LARP1B: variants seen among roughly 807,000 people sequenced by gnomAD.
LARP1B encodes the protein la-related protein 1B.
In LARP1B, 76 loss-of-function variants were observed where a neutral mutation model predicts 114.2. The observed-to-expected ratio is 0.67, with a 90% confidence interval of 0.55 to 0.81. The LOEUF (loss-of-function observed/expected upper bound fraction) is 0.81. Ranked by LOEUF, LARP1B falls within the 30% of genes least tolerant of loss-of-function variation. LARP1B has a pLI of 0.00. For missense variants in LARP1B, 1,014 were observed against 1,075.8 expected (o/e 0.94, Z 0.80); for synonymous variants, 345 against 348.0 (o/e 0.99, Z 0.10).
At chr4:128,173,035 C>T (rs891864779) in intron 12 of LARP1B, among the ~76,000 whole-genome samples, 2 of 151,118 alleles carry the variant, frequency 1.3e-5, no homozygotes, top group African/African-American at 4.9e-5. Flanking sequence ...ATTGGGTTCT[C>T]TTTTATACTG....
intron 7 of LARP1B, among the ~76,000 whole-genome samples, chr4:128,094,958 T>A (rs2149627777): frequency 6.6e-6 from 1 of 152,002 alleles, no homozygotes; most frequent in South Asian, 2.1e-4. Context: ...ACCATGTTGG[T>A]CAGGCTGGTC....
chr4:128,118,427 G>A (rs1410136969), intron 10 of LARP1B, among the ~76,000 whole-genome samples: 16 of 150,898 alleles, frequency 1.1e-4, no homozygotes, highest in Admixed American at 7.9e-4. Context: ...TAGTAGAGAC[G>A]GGGTTTCATC....
rs1166939696 is a variant in LARP1B, at chr4:128,204,655, CA to C, written c.2310-1760del. Among the ~76,000 whole-genome samples the C allele has an allele frequency of 3.7e-3, 468 of 126,780 alleles. 3 individuals carry two copies. Among genetic ancestry groups the C allele is most frequent in the African/African-American group, 0.01 (351 of 34,310 alleles). 83.2% of individuals were successfully genotyped at this position (126,780 alleles called of 152,430 possible). A position where few individuals can be genotyped will look rare whatever the true frequency, so the allele number is the denominator to read the frequency against. On this transcript the variant is annotated intron_variant, in intron 17 of 19. Coordinates refer to ENST00000326639, the MANE Select transcript of LARP1B (RefSeq NM_018078.4). ...GGGCAACAAGAGTAAAACTCTGTCTCAAAAAAAAAAAAATTAAAATTAAAAA... is the reference window on the plus strand; with the variant it reads ...GGGCAACAAGAGTAAAACTCTGTCTCAAAAAAAAAAAATTAAAATTAAAAA...
intron 11 of LARP1B, among the ~76,000 whole-genome samples, chr4:128,137,356 T>C (rs1456537960): frequency 1.3e-5 from 2 of 152,226 alleles, no homozygotes; most frequent in Non-Finnish European, 2.9e-5. Context: ...TCTCCAATTG[T>C]CTTCTCATTT....
intron 15 of LARP1B, among the ~76,000 whole-genome samples, chr4:128,189,716 A>G (rs762112244): frequency 6.6e-6 from 1 of 152,132 alleles, no homozygotes; most frequent in African/African-American, 2.4e-5. Flanking sequence ...TGTGGTTACC[A>G]TGAGGCTTAC....
At chr4:128,178,981 A>G (rs772590034) in intron 14 of LARP1B, among the ~76,000 whole-genome samples, 1 of 152,150 alleles carries the variant, frequency 6.6e-6, no homozygotes, top group African/African-American at 2.4e-5. Flanking sequence ...AGTCCCAGCT[A>G]CTTGGGAGGC....
rs1365955773 is a variant in LARP1B at position 128,210,153 on chromosome 4, GTATT to G, written c.*106_*109del. ...GTCCTTGAAGTCAACATTTACATCA[GTATT>G]TATTTGGGGAAAATCTTCTGGTGTT... On this transcript the variant is annotated 3_prime_UTR_variant, in exon 20 of 20. Coordinates refer to ENST00000326639, the MANE Select transcript of LARP1B (RefSeq NM_018078.4). The G allele has an allele frequency of 6.7e-5, 103 of 1,543,184 alleles. No homozygotes were observed. Among genetic ancestry groups the G allele is most frequent in the Non-Finnish European group, 8.6e-5 (98 of 1,144,472 alleles).
chr4:128,183,382 G>A (rs2172813), intron 15 of LARP1B, among the ~76,000 whole-genome samples: 97,711 of 152,006 alleles, frequency 0.64, 31,747 homozygotes, highest in Middle Eastern at 0.81. Flanking sequence ...GAATTATGCT[G>A]AATCTACTAA....
chr4:128,095,888 A>AC (rs1371738402), intron 7 of LARP1B, among the ~76,000 whole-genome samples: 2 of 151,562 alleles, frequency 1.3e-5, no homozygotes, highest in African/African-American at 4.8e-5. Context: ...ATCATCATTG[A>AC]TGTTATGTAT....
intron 1 of LARP1B, chr4:128,062,335 C>T (rs921104350): frequency 4.4e-6 from 4 of 915,536 alleles, no homozygotes; most frequent in Non-Finnish European, 3.9e-6. Flanking sequence ...CAGGCCTCCC[C>T]TCCCTGTCAG....
At chr4:128,166,470 AAT>A (rs1057307910) in intron 12 of LARP1B, among the ~76,000 whole-genome samples, 8 of 151,864 alleles carry the variant, frequency 5.3e-5, no homozygotes, top group Non-Finnish European at 7.4e-5. Context: ...TCCTCTTAAA[AAT>A]ATATATAAGG....
intron 19 of LARP1B, 30 bp from the exon 20 acceptor site, chr4:128,209,825 TG>T: frequency 1.3e-6 from 2 of 1,577,924 alleles, no homozygotes; most frequent in Non-Finnish European, 1.7e-6. Flanking sequence ...ACAGTAAAAT[TG>T]TCAACGGTGT....
chr4:128,167,045 T>TAC (rs546984242), intron 12 of LARP1B, among the ~76,000 whole-genome samples: 33 of 148,326 alleles, frequency 2.2e-4, no homozygotes, highest in South Asian at 8.6e-4. Flanking sequence ...TACGTATATA[T>TAC]ACACACACAC....
At chr4:128,104,960 C>T (rs1280740280) in intron 8 of LARP1B, among the ~76,000 whole-genome samples, 1 of 152,138 alleles carries the variant, frequency 6.6e-6, no homozygotes, top group African/African-American at 2.4e-5. Flanking sequence ...ATCAAAACCA[C>T]CACTATTGGG....
At chr4:128,064,901 C>A (rs1324840877) in intron 1 of LARP1B, among the ~76,000 whole-genome samples, 1 of 151,824 alleles carries the variant, frequency 6.6e-6, no homozygotes, top group Non-Finnish European at 1.5e-5. Flanking sequence ...ATAGCAAGAC[C>A]ACGTTTAAAA....
chr4:128,095,869 G>T lies in LARP1B; in HGVS notation c.669-2317G>T, dbSNP rs539231851. Among the ~76,000 whole-genome samples the T allele has an allele frequency of 2.6e-5, 4 of 152,034 alleles. No individual in the cohort carries two copies. The South Asian group carries it at 8.3e-4, about 32-fold the overall frequency. ...GGAAATAGTGTGGGATTATTAAACT[G>T]TAGGCCCCATCATCATTGATGTTAT... On this transcript the variant is annotated intron_variant, in intron 7 of 19. Transcript: ENST00000326639.
intron 12 of LARP1B, among the ~76,000 whole-genome samples, chr4:128,171,320 G>C (rs1743607928): frequency 6.6e-6 from 1 of 151,996 alleles, no homozygotes; most frequent in Non-Finnish European, 1.5e-5. Context: ...GTGGAGACAG[G>C]GTCTCACTAC....
chr4:128,099,556 G>A (rs1779526751), intron 8 of LARP1B, among the ~76,000 whole-genome samples: 2 of 152,032 alleles, frequency 1.3e-5, no homozygotes, highest in African/African-American at 4.8e-5. Flanking sequence ...ATTCACCTAT[G>A]TTGCATGTAG....
chr4:128,065,295 T>G (rs201832246), intron 1 of LARP1B, among the ~76,000 whole-genome samples: 1 of 134,960 alleles, frequency 7.4e-6, no homozygotes, highest in East Asian at 2.1e-4. Context: ...CTTTCTTTCT[T>G]TCTTTCTTTC....
Sources: allele counts gnomAD v4.1 joint callset (sites outside exome capture counted in the v4.1 genomes callset), GRCh38; gene constraint gnomAD v4.1.1; transcripts MANE v1.5; gene names NCBI Gene and HGNC (gene_info 2026-07-23, HGNC 2026-07-21).